The following PTPRJ variants were observed in gnomAD, a reference collection of about 807,000 sequenced individuals.
PTPRJ encodes protein tyrosine phosphatase receptor type J, also known as receptor-type tyrosine-protein phosphatase eta.
PTPRJ carries 129 observed loss-of-function variants against 141.3 expected under a neutral mutation model. That is an observed-to-expected ratio of 0.91 (90% CI 0.79 to 1.06). The LOEUF is 1.06. Among genes scored for constraint, PTPRJ ranks in the 50% least tolerant of loss-of-function variants. The pLI, the probability that PTPRJ is intolerant of heterozygous loss-of-function variation, is 0.00. For synonymous variants in PTPRJ, 610 were observed against 640.5 expected, an observed-to-expected ratio of 0.95 and a Z score of 0.72; for missense variants, 1,601 against 1,679.7, an observed-to-expected ratio of 0.95 and a Z score of 0.82.
intron 1 of PTPRJ, among the ~76,000 whole-genome samples, chr11:48,010,669 C>G (rs1367069206): frequency 6.6e-6 from 1 of 151,304 alleles, no homozygotes; most frequent in Non-Finnish European, 1.5e-5. Context: ...TCTTGAGTAG[C>G]TGGGATTACA....
chr11:48,052,558 G>A (rs973049544), intron 1 of PTPRJ, among the ~76,000 whole-genome samples: 7 of 152,132 alleles, frequency 4.6e-5, no homozygotes, highest in African/African-American at 1.4e-4. Flanking sequence ...GTGGTTGGGG[G>A]TGCCTCTGAA....
chr11:48,003,895 G>A (rs1269711266), intron 1 of PTPRJ, among the ~76,000 whole-genome samples: 1 of 152,160 alleles, frequency 6.6e-6, no homozygotes, highest in Admixed American at 6.5e-5. Context: ...CTCACATAGA[G>A]GCTGTTTTCT....
At chr11:48,079,976 G>T (rs1012622052) in intron 1 of PTPRJ, among the ~76,000 whole-genome samples, 3 of 152,186 alleles carry the variant, frequency 2.0e-5, no homozygotes, top group African/African-American at 7.2e-5. Flanking sequence ...TCAGAGAAGA[G>T]GCATGATTTT....
intron 9 of PTPRJ, 28 bp from the exon 10 acceptor site, chr11:48,136,975 C>T: frequency 6.5e-7 from 1 of 1,546,656 alleles, no homozygotes; most frequent in Non-Finnish European, 8.9e-7. Flanking sequence ...TGTGCTTTTA[C>T]ATGAATTGCC....
chr11:48,147,044 TC>T lies in PTPRJ; in HGVS notation c.2999+82del, dbSNP rs1478413021. On this transcript the variant is annotated intron_variant, in intron 15 of 24. Transcript: ENST00000418331. ...AGGAACATTTCAAACTTTGACAGAT[TC>T]AGAAGGAATGATATGATGAGCGCCA... is the stretch of plus-strand genomic sequence containing the variant. The T allele has an allele frequency of 2.5e-6, 3 of 1,197,388 alleles. No homozygotes were observed. The East Asian group carries it at 7.0e-5, about 28-fold the overall frequency. The allele number at this position is 1,197,388 out of a possible 1,614,324, so 74.2% of individuals were successfully genotyped here.
At chr11:48,139,459 T>C (rs1857181809) in intron 10 of PTPRJ, 27 bp from the exon 11 acceptor site, 2 of 1,603,382 alleles carry the variant, frequency 1.2e-6, no homozygotes, top group Admixed American at 1.7e-5. Context: ...TCCCGGAATC[T>C]CATGCTGTGC....
rs1457358538 is a variant in PTPRJ, at chr11:48,169,577, C to T, written c.*2215C>T. The T allele has an allele frequency of 1.3e-5, 2 of 152,220 alleles. No homozygotes were observed. The highest frequency in any genetic ancestry group is 3.9e-4 in the East Asian group (2 of 5,190). 9.4% of individuals were successfully genotyped at this position (152,220 alleles called of 1,614,324 possible). On this transcript the variant is annotated 3_prime_UTR_variant, in exon 25 of 25. Transcript: ENST00000418331. ...GCAGTTCTGTGGGCTGTGGCCCTCT[C>T]CCCTCCAATATGTCCGAAACCATTG...
chr11:48,070,300 G>A (rs1855212327), intron 1 of PTPRJ, among the ~76,000 whole-genome samples: 1 of 152,084 alleles, frequency 6.6e-6, no homozygotes, highest in Non-Finnish European at 1.5e-5. Flanking sequence ...TCACGAGTTC[G>A]AGACCAGCCT....
chr11:48,163,633 C>T lies in PTPRJ; in HGVS notation c.3719+15C>T, dbSNP rs754830083. ...GTGCATTGCAGGTACGCAGATGGCA[C>T]GTCACGTGTGACAGATTTCAAATGT... On this transcript the variant is annotated intron_variant, in intron 23 of 24. Transcript: ENST00000418331. 10 of 1,604,836 alleles carry T rather than the reference C, an allele frequency of 6.2e-6. No homozygotes were observed. Among genetic ancestry groups the T allele is most frequent in the South Asian group, 3.3e-5 (3 of 90,874 alleles).
In PTPRJ at chr11:48,153,809, T is replaced by C. The variant is rs1326900900; in HGVS notation, c.3152T>C (p.Val1051Ala). ...FAEEYEDLKL[V>A]GISQPKYAAE... ...TTTTGTTTTCAGGATCTGAAGCTTG[T>C]TGGAATTAGTCAACCTAAATATGCA... is the stretch of plus-strand genomic sequence containing the variant. Residue 1051 changes from valine (V) to alanine (A), a missense_variant, in exon 19 of 25, where the codon GTT (valine) becomes GCT (alanine). Coordinates refer to ENST00000418331, the MANE Select transcript of PTPRJ (RefSeq NM_002843.4). 6.2e-7 allele frequency: 1 copy of C among 1,612,214 alleles called. No homozygotes were observed. The highest frequency in any genetic ancestry group is 1.7e-5 in the Admixed American group (1 of 60,004).
intron 1 of PTPRJ, among the ~76,000 whole-genome samples, chr11:47,983,758 G>C (rs1853974107): frequency 2.0e-5 from 3 of 152,096 alleles, no homozygotes; most frequent in Non-Finnish European, 4.4e-5. Flanking sequence ...AATCCTGACA[G>C]GTTCTTTAAG....
At chr11:47,994,628 G>A (rs751836117) in intron 1 of PTPRJ, among the ~76,000 whole-genome samples, 112 of 152,106 alleles carry the variant, frequency 7.4e-4, no homozygotes, top group Non-Finnish European at 1.3e-3. Flanking sequence ...TTGCGCCACT[G>A]CACTTCAGCT....
intron 8 of PTPRJ, among the ~76,000 whole-genome samples, chr11:48,134,146 A>T (rs1565320365): frequency 1.3e-5 from 2 of 152,182 alleles, no homozygotes; most frequent in East Asian, 3.8e-4. Context: ...AAAGGAACAA[A>T]TATCTCTATT....
intron 1 of PTPRJ, among the ~76,000 whole-genome samples, chr11:48,058,630 C>T (rs192761470): frequency 3.9e-5 from 6 of 152,168 alleles, no homozygotes; most frequent in Admixed American, 2.6e-4. Context: ...CCCCAGCCAC[C>T]GCTCTGGTCC....
intron 1 of PTPRJ, among the ~76,000 whole-genome samples, chr11:48,016,765 A>T (rs1159578591): frequency 6.6e-6 from 1 of 152,142 alleles, no homozygotes; most frequent in East Asian, 1.9e-4. Context: ...CATTGTGCTA[A>T]TGATGGTGGT....
intron 1 of PTPRJ, among the ~76,000 whole-genome samples, chr11:48,001,706 A>T (rs1854503285): frequency 6.6e-6 from 1 of 152,066 alleles, no homozygotes; most frequent in South Asian, 2.1e-4. Context: ...ACAGGAGAGG[A>T]AAATGAGATG....
chr11:48,149,485 TTAAG>T lies in PTPRJ; in HGVS notation c.3041+3_3041+6del, dbSNP rs1400078010. 1 of 1,498,044 alleles carries T rather than the reference TTAAG, an allele frequency of 6.7e-7. No individual in the cohort carries two copies. The highest frequency in any genetic ancestry group is 9.2e-7 in the Non-Finnish European group (1 of 1,088,756). The allele number at this position is 1,498,044 out of a possible 1,614,324, so 92.8% of individuals were successfully genotyped here. ...AATAATGAAGTGTCCTTTTCTCAAA[TTAAG>T]TAAGTCTCTCAAATTATGAGCTTTA... On this transcript the variant is annotated splice_donor_variant and coding_sequence_variant, in exon 16 of 25. Coordinates refer to ENST00000418331, the MANE Select transcript of PTPRJ (RefSeq NM_002843.4). LOFTEE classifies it high-confidence loss of function.
intron 1 of PTPRJ, among the ~76,000 whole-genome samples, chr11:47,982,497 T>C (rs1853936779): frequency 6.6e-6 from 1 of 152,148 alleles, no homozygotes; most frequent in African/African-American, 2.4e-5. Flanking sequence ...TCCCTGTCCA[T>C]GTAAGGAAAT....
At chr11:48,138,996 G>A (rs115962516) in intron 10 of PTPRJ, among the ~76,000 whole-genome samples, 1,530 of 152,302 alleles carry the variant, frequency 0.01, 23 homozygotes, top group African/African-American at 0.035. Flanking sequence ...AACTGGGTAT[G>A]GTGGTGCATG....
Sources: allele counts gnomAD v4.1 joint callset (sites outside exome capture counted in the v4.1 genomes callset), GRCh38; gene constraint gnomAD v4.1.1; transcripts MANE v1.5; gene names NCBI Gene and HGNC (gene_info 2026-07-23, HGNC 2026-07-21).